GPC5: variants seen among roughly 807,000 people sequenced by gnomAD.
GPC5 encodes the protein glypican-5.
GPC5 carries 47 observed loss-of-function variants against 53.9 expected under a neutral mutation model. The observed-to-expected ratio is 0.87, with a 90% CI of 0.69 to 1.11. GPC5 has a LOEUF of 1.11. GPC5 is among the 50% of genes most tolerant of loss of function. The pLI, the probability that GPC5 is intolerant of heterozygous loss-of-function variation, is 0.00. For synonymous variants in GPC5, 286 were observed against 263.3 expected, an observed-to-expected ratio of 1.09 and a Z score of -0.84; for missense variants, 748 against 713.1, an observed-to-expected ratio of 1.05 and a Z score of -0.56.
At chr13:92,134,514 G>A (rs1261303402) in intron 6 of GPC5, among the ~76,000 whole-genome samples, 5 of 152,086 alleles carry the variant, frequency 3.3e-5, no homozygotes, top group African/African-American at 1.2e-4. Flanking sequence ...CTTTTGGCAT[G>A]TTCAATAAGC....
chr13:92,294,153 CTT>C (rs1242574367), intron 7 of GPC5, among the ~76,000 whole-genome samples: 1 of 151,978 alleles, frequency 6.6e-6, no homozygotes, highest in African/African-American at 2.4e-5. Context: ...CTGTAGTTTT[CTT>C]TTTTGGTTAT....
chr13:91,603,748 G>A (rs1014606072), intron 2 of GPC5, among the ~76,000 whole-genome samples: 2 of 151,992 alleles, frequency 1.3e-5, no homozygotes, highest in African/African-American at 2.4e-5. Context: ...ATTTAATGAG[G>A]TGAGAACATA....
At chr13:91,708,021 G>A (rs1376344269) in intron 3 of GPC5, among the ~76,000 whole-genome samples, 1 of 152,112 alleles carries the variant, frequency 6.6e-6, no homozygotes, top group Non-Finnish European at 1.5e-5. Context: ...ATTGGACCTT[G>A]ATAAATAAAC....
Position 91,749,782 on chromosome 13 carries a change from A to G in GPC5, c.1155-6513A>G, listed in dbSNP as rs180712783. 3.3e-5 allele frequency among the ~76,000 whole-genome samples: 5 copies of G among 152,334 alleles called. No individual in the cohort carries two copies. In the East Asian group the frequency reaches 7.7e-4, roughly 23 times the overall value. ...TGACTTTTTAATAAAGACATTTTAT[A>G]TAAATGGGTTAGTATTTTAAAAGTA... is the stretch of plus-strand genomic sequence containing the variant. On this transcript the variant is annotated intron_variant, in intron 4 of 7. Transcript: ENST00000377067.
At chr13:92,133,812 A>T (rs2041763464) in intron 6 of GPC5, among the ~76,000 whole-genome samples, 4 of 152,174 alleles carry the variant, frequency 2.6e-5, no homozygotes, top group Admixed American at 2.6e-4. Flanking sequence ...AATCTAAGTT[A>T]AGAACAGAAA....
At chr13:91,951,672 T>G (rs2040026931) in intron 6 of GPC5, among the ~76,000 whole-genome samples, 1 of 152,152 alleles carries the variant, frequency 6.6e-6, no homozygotes, top group African/African-American at 2.4e-5. Flanking sequence ...ATGTTAGGAC[T>G]GTTTTCATAC....
intron 7 of GPC5, among the ~76,000 whole-genome samples, chr13:92,715,079 A>G (rs573929318): frequency 4.6e-5 from 7 of 152,298 alleles, no homozygotes; most frequent in African/African-American, 1.4e-4. Context: ...GAAAAAAAGA[A>G]TTGGTTAAGC....
At chr13:92,640,872 C>A (rs905726055) in intron 7 of GPC5, among the ~76,000 whole-genome samples, 6 of 151,478 alleles carry the variant, frequency 4.0e-5, no homozygotes, top group African/African-American at 1.5e-4. Flanking sequence ...ATTATAATAA[C>A]CAAACAAACA....
chr13:91,757,648 T>C (rs1307914385), intron 5 of GPC5, among the ~76,000 whole-genome samples: 1 of 152,154 alleles, frequency 6.6e-6, no homozygotes, highest in East Asian at 1.9e-4. Flanking sequence ...TGCTTCCCCT[T>C]ATGCCATGAT....
intron 7 of GPC5, among the ~76,000 whole-genome samples, chr13:92,378,913 G>T (rs2043716188): frequency 6.6e-6 from 1 of 152,096 alleles, no homozygotes; most frequent in African/African-American, 2.4e-5. Flanking sequence ...TTTCTGCAGT[G>T]CCATATAATA....
At chr13:92,610,112 G>T (rs1271744310) in intron 7 of GPC5, among the ~76,000 whole-genome samples, 1 of 146,226 alleles carries the variant, frequency 6.8e-6, no homozygotes. Flanking sequence ...TGTGTTCAAA[G>T]ATTTTTTAAA....
At chr13:92,712,859 C>CACTT (rs1339199592) in intron 7 of GPC5, among the ~76,000 whole-genome samples, 2 of 152,152 alleles carry the variant, frequency 1.3e-5, no homozygotes, top group Non-Finnish European at 2.9e-5. Context: ...AGTAAACACA[C>CACTT]ACTTACACAT....
chr13:92,168,429 CATCT>C (rs1279657065), intron 7 of GPC5, among the ~76,000 whole-genome samples: 1 of 152,004 alleles, frequency 6.6e-6, no homozygotes, highest in Non-Finnish European at 1.5e-5. Flanking sequence ...CAATTGTTGC[CATCT>C]ATCTATCTGA....
At position 91,769,424 on chromosome 13, in the gene GPC5, T is replaced by C. The variant is rs551448131; in HGVS notation, c.1280+13004T>C. Reference sequence around the variant, plus strand: ...CACAGGTAGTATTTTAGGTGAGGAATGAGATGGCAAGCCTGTGCTCTCATG... The same window carrying C: ...CACAGGTAGTATTTTAGGTGAGGAACGAGATGGCAAGCCTGTGCTCTCATG... On this transcript the variant is annotated intron_variant, in intron 5 of 7. Coordinates refer to ENST00000377067, the MANE Select transcript of GPC5 (RefSeq NM_004466.6). Among the ~76,000 whole-genome samples the C allele has an allele frequency of 5.9e-5, 9 of 152,310 alleles. No individual in the cohort carries two copies. The South Asian group carries it at 1.9e-3, about 32-fold the overall frequency.
At chr13:92,009,253 C>CGTGTGTGTGTGTGTGTGTGTGTGT (rs3059952) in intron 6 of GPC5, among the ~76,000 whole-genome samples, 3 of 139,742 alleles carry the variant, frequency 2.1e-5, no homozygotes, top group East Asian at 4.5e-4. Context: ...GCTGGATTTT[C>CGTGTGTGTGTGTGTGTGTGTGTGT]GTGTGTGTGT....
intron 7 of GPC5, among the ~76,000 whole-genome samples, chr13:92,724,646 C>A (rs956831682): frequency 6.6e-6 from 1 of 151,434 alleles, no homozygotes; most frequent in Admixed American, 6.6e-5. Flanking sequence ...ATTCCACTTA[C>A]GTGAGGTATC....
chr13:92,279,507 T>A (rs1297342577), intron 7 of GPC5, among the ~76,000 whole-genome samples: 1 of 152,084 alleles, frequency 6.6e-6, no homozygotes, highest in African/African-American at 2.4e-5. Flanking sequence ...GATAAGACTT[T>A]AAGTACAATG....
chr13:91,964,059 G>A (rs2040154086), intron 6 of GPC5, among the ~76,000 whole-genome samples: 1 of 152,152 alleles, frequency 6.6e-6, no homozygotes, highest in Non-Finnish European at 1.5e-5. Flanking sequence ...CTCTCGCGGT[G>A]TTACAGTTCT....
chr13:91,494,230 CT>C (rs1406167074), intron 2 of GPC5, among the ~76,000 whole-genome samples: 1 of 151,870 alleles, frequency 6.6e-6, no homozygotes, highest in East Asian at 1.9e-4. Context: ...GTTTGTGCCT[CT>C]TGCAAAGGCC....
Sources: allele counts gnomAD v4.1 joint callset (sites outside exome capture counted in the v4.1 genomes callset), GRCh38; gene constraint gnomAD v4.1.1; transcripts MANE v1.5; gene names NCBI Gene and HGNC (gene_info 2026-07-23, HGNC 2026-07-21).